The following SETD2 variants were observed in gnomAD, a reference collection of about 807,000 sequenced individuals.
SETD2 encodes histone-lysine N-methyltransferase SETD2.
A neutral mutation model predicts 242.1 loss-of-function variants in SETD2; 31 were observed. That is an observed-to-expected ratio of 0.13 (90% CI 0.10 to 0.17). The LOEUF is 0.17. SETD2 is among the 10% of genes least tolerant of loss of function. The pLI is 1.00. For synonymous variants in SETD2, 1,006 were observed against 1,066.5 expected, an observed-to-expected ratio of 0.94 and a Z score of 1.11; for missense variants, 2,481 against 3,046.3, an observed-to-expected ratio of 0.81 and a Z score of 4.37.
intron 13 of SETD2, among the ~76,000 whole-genome samples, chr3:47,065,770 G>A (rs369550227): frequency 1.3e-5 from 2 of 152,276 alleles, no homozygotes; most frequent in South Asian, 4.1e-4. Context: ...GTGTCACTGT[G>A]CTCAGCCTGC....
chr3:47,100,133 G>T lies in SETD2; in HGVS notation c.5015+1325C>A, dbSNP rs183807470. Among the ~76,000 whole-genome samples, 8 of 151,898 alleles carry T rather than the reference G, an allele frequency of 5.3e-5. No homozygotes were observed. The East Asian group carries it at 1.5e-3, about 29-fold the overall frequency. On this transcript the variant is annotated intron_variant, in intron 8 of 20. Transcript: ENST00000409792. ...ATTTTTTGTATTCTTAGTAGAGACG[G>T]GGTTTCACCATGTGACCAGGCTGAT...
In SETD2 at chr3:47,062,501, AAG is replaced by A. The variant is rs72459590; in HGVS notation, c.6110-157_6110-156del. Among the ~76,000 whole-genome samples, 6,440 of 152,244 alleles carry A rather than the reference AAG, an allele frequency of 0.042. 470 individuals are homozygous for A. The highest frequency in any genetic ancestry group is 0.15 in the African/African-American group (6,034 of 41,526). ...GTCATCTACCCAGTTCTGAATTTGA[AAG>A]AGATACAAGGTCTTATGTCTGTGTT... is the stretch of plus-strand genomic sequence containing the variant. On this transcript the variant is annotated intron_variant, in intron 13 of 20. Transcript: ENST00000409792.
In SETD2 at chr3:47,057,448, G is replaced by A. The variant is rs2107578046; in HGVS notation, c.6336C>T (p.Asp2112=). 1 of 1,614,140 alleles carries A rather than the reference G, an allele frequency of 6.2e-7. No individual in the cohort carries two copies. Among genetic ancestry groups the A allele is most frequent in the Non-Finnish European group, 8.5e-7 (1 of 1,180,016 alleles). ...PTSKKKVRIK[D]RNKLSTEERR... is the part of the protein sequence containing the mutation. ...GTTCCTCTGTAGAAAGTTTATTGCGGTCTTTAATTCGTACTTTCTTTTTAG... is the reference window on the plus strand; with the variant it reads ...GTTCCTCTGTAGAAAGTTTATTGCGATCTTTAATTCGTACTTTCTTTTTAG... Residue 2112 remains aspartate, a synonymous_variant, in exon 15 of 21, where the codon GAC becomes GAT. Coordinates refer to ENST00000409792, the MANE Select transcript of SETD2 (RefSeq NM_014159.7).
Position 47,017,331 on chromosome 3 carries a change from A to C in SETD2, c.7534-77T>G, listed in dbSNP as rs1475874777. 3.3e-6 allele frequency: 5 copies of C among 1,509,414 alleles called. No homozygotes were observed. Among genetic ancestry groups the C allele is most frequent in the Non-Finnish European group, 3.6e-6 (4 of 1,101,322 alleles). 93.5% of individuals were successfully genotyped at this position (1,509,414 alleles called of 1,614,324 possible). A position where few individuals can be genotyped will look rare whatever the true frequency, so the allele number is the denominator to read the frequency against. ...ATATGAGGGGGAGGACAGGGGTGGT[A>C]ATCCAGCCTGCTGCTTCAGGGCCCT... is the stretch of plus-strand genomic sequence containing the variant. On this transcript the variant is annotated intron_variant, in intron 20 of 20. Coordinates refer to ENST00000409792, the MANE Select transcript of SETD2 (RefSeq NM_014159.7). The surrounding 1 kb of genome is among the most constrained non-coding windows in gnomAD (Gnocchi z 4.8).
chr3:47,101,582 A>C (rs2042211870), intron 7 of SETD2, 27 bp from the exon 8 acceptor site: 6 of 1,318,686 alleles, frequency 4.5e-6, no homozygotes, highest in Non-Finnish European at 6.6e-6. Context: ...AAACAAAAGA[A>C]ATTAGTAACT....
chr3:47,035,732 C>G (rs1398969478), intron 18 of SETD2, among the ~76,000 whole-genome samples: 1 of 152,130 alleles, frequency 6.6e-6, no homozygotes, highest in Admixed American at 6.5e-5. Context: ...AAACTTGGCC[C>G]CAGAACTCAG....
chr3:47,102,495 A>G (rs1233460431), intron 7 of SETD2, among the ~76,000 whole-genome samples: 9 of 152,348 alleles, frequency 5.9e-5, no homozygotes, highest in Admixed American at 3.3e-4. Flanking sequence ...TTAACCTTAA[A>G]AAGTTACAAT....
At chr3:47,140,568 A>G (rs922020790) in intron 1 of SETD2, among the ~76,000 whole-genome samples, 7 of 152,336 alleles carry the variant, frequency 4.6e-5, no homozygotes, top group African/African-American at 1.7e-4. Flanking sequence ...ATCACACAGA[A>G]AGAGTTGACT....
intron 15 of SETD2, among the ~76,000 whole-genome samples, chr3:47,055,046 A>G (rs1035735535): frequency 1.3e-5 from 2 of 152,240 alleles, no homozygotes; most frequent in African/African-American, 4.8e-5. Context: ...ACTATCTTAA[A>G]AAAAAATCAT....
rs2107484700 is a variant in SETD2, at chr3:47,017,136, A to G, written c.7652T>C (p.Phe2551Ser). ...CTCTTTGGGTTTGTAAACAGCCCCA[A>G]ACTTCTGCATGTACTTCTTAATGTA... is the stretch of plus-strand genomic sequence containing the variant. ...KEYIKKYMQKFGAVYKPKEDT... is the reference protein window; with the variant it reads ...KEYIKKYMQKSGAVYKPKEDT... The change falls in exon 21 of 21, where the codon TTT becomes TCT. Residue 2551 changes from phenylalanine to serine, a missense_variant. Coordinates refer to ENST00000409792, the MANE Select transcript of SETD2 (RefSeq NM_014159.7). The surrounding 1 kb of genome is among the most constrained non-coding windows in gnomAD (Gnocchi z 4.8). The G allele has an allele frequency of 6.2e-7, 1 of 1,614,080 alleles. No individual in the cohort carries two copies. The highest frequency in any genetic ancestry group is 1.3e-5 in the African/African-American group (1 of 75,008).
At chr3:47,090,128 G>C (rs2041734902) in intron 9 of SETD2, among the ~76,000 whole-genome samples, 1 of 151,928 alleles carries the variant, frequency 6.6e-6, no homozygotes, top group Non-Finnish European at 1.5e-5. Flanking sequence ...GGAGCCTGTA[G>C]TACCAGCTAT....
At chr3:47,057,581 C>T in intron 14 of SETD2, 91 bp from the exon 15 acceptor site, 1 of 896,472 alleles carries the variant, frequency 1.1e-6, no homozygotes, top group Non-Finnish European at 1.7e-6. Context: ...CATGACTAAA[C>T]CACTAACCAC....
In SETD2 at chr3:47,123,039, G is replaced by A. The variant is rs1301833521; in HGVS notation, c.1597C>T (p.Pro533Ser). The change falls in exon 3 of 21, where the codon CCC (proline) becomes TCC (serine). Residue 533 changes from proline (P) to serine (S), a missense_variant. By Grantham distance (74) the Pro-to-Ser change is moderately conservative. Transcript: ENST00000409792. Reference protein sequence around the residue: ...ENEAIKRCCSPPNELGFRRGS... With the variant: ...ENEAIKRCCSSPNELGFRRGS... Reference sequence around the variant, plus strand: ...CGTCGGAATCCCAGTTCATTAGGGGGAGAACAACATCTTTTAATTGCTTCA... The same window carrying A: ...CGTCGGAATCCCAGTTCATTAGGGGAAGAACAACATCTTTTAATTGCTTCA... 3.1e-6 allele frequency: 5 copies of A among 1,614,140 alleles called. No individual in the cohort carries two copies. Among genetic ancestry groups the A allele is most frequent in the Non-Finnish European group, 4.2e-6 (5 of 1,179,992 alleles).
At position 47,103,440 on chromosome 3, in the gene SETD2, A is replaced by G; in HGVS notation, c.4840-17T>C. On this transcript the variant is annotated splice_polypyrimidine_tract_variant and intron_variant, in intron 6 of 20. Transcript: ENST00000409792. Reference sequence around the variant, plus strand: ...ATCTATTATCTGGGAGAAGAGGATCATTTAAGAATTAAAAAATAATACCTT... The same window carrying G: ...ATCTATTATCTGGGAGAAGAGGATCGTTTAAGAATTAAAAAATAATACCTT... The G allele has an allele frequency of 6.4e-7, 1 of 1,550,544 alleles. No individual in the cohort carries two copies. Among genetic ancestry groups the G allele is most frequent in the Non-Finnish European group, 8.9e-7 (1 of 1,122,436 alleles).
At chr3:47,105,975 C>A (rs2107695697) in intron 6 of SETD2, 22 bp downstream of exon 6, 2 of 1,604,906 alleles carry the variant, frequency 1.2e-6, no homozygotes, top group Non-Finnish European at 1.7e-6. Context: ...TGTTTCAAGG[C>A]AAACATATCC....
intron 2 of SETD2, 142 bp from the exon 3 acceptor site, chr3:47,124,690 T>A: frequency 1.5e-6 from 1 of 671,562 alleles, no homozygotes; most frequent in East Asian, 2.9e-5. Flanking sequence ...TATATATATC[T>A]TTATTATGAA....
At chr3:47,068,725 G>A (rs1397733065) in intron 12 of SETD2, among the ~76,000 whole-genome samples, 1 of 152,144 alleles carries the variant, frequency 6.6e-6, no homozygotes, top group Non-Finnish European at 1.5e-5. Flanking sequence ...TCGAACTCCT[G>A]ATCTCATGAT....
chr3:47,037,402 A>G (rs1197561779), intron 18 of SETD2, among the ~76,000 whole-genome samples: 1 of 149,958 alleles, frequency 6.7e-6, no homozygotes, highest in Non-Finnish European at 1.5e-5. Flanking sequence ...TGTCCTTGCG[A>G]TAGTTTGCTG....
At chr3:47,018,709 C>T (rs1258853827) in intron 19 of SETD2, among the ~76,000 whole-genome samples, 1 of 152,204 alleles carries the variant, frequency 6.6e-6, no homozygotes, top group Non-Finnish European at 1.5e-5. Context: ...TTACCCCCTG[C>T]TTAAAATTCT....
Sources: gnomAD v4.1 joint callset for allele counts (sites outside exome capture counted in the v4.1 genomes callset) on GRCh38, gnomAD v4.1.1 for gene constraint, Gnocchi (gnomAD v3.1) non-coding constraint, MANE v1.5 for transcripts, NCBI Gene and HGNC (gene_info 2026-07-23, HGNC 2026-07-21) for gene names.